THSD4: variants seen among roughly 807,000 people sequenced by gnomAD.
THSD4 encodes the protein thrombospondin type 1 domain containing 4.
Under a neutral mutation model 119.0 loss-of-function variants are expected in THSD4, and 69 were observed. That is an observed-to-expected ratio of 0.58 (90% CI 0.48 to 0.71). THSD4 has a LOEUF of 0.71. Ranked by LOEUF, THSD4 falls within the 30% of genes least tolerant of loss-of-function variation. The probability of loss-of-function intolerance (pLI) is 0.00; values close to 1 mark genes in which losing one functional copy is unlikely to be tolerated. For missense variants in THSD4, 1,393 were observed against 1,391.1 expected (o/e 1.00, Z -0.02); for synonymous variants, 524 against 540.4 (o/e 0.97, Z 0.42).
intron 7 of THSD4, among the ~76,000 whole-genome samples, chr15:71,476,141 C>T (rs140856921): frequency 8.5e-5 from 13 of 152,278 alleles, no homozygotes; most frequent in Non-Finnish European, 1.2e-4. Context: ...TAGCAAAGGG[C>T]CTGATCCATC....
At chr15:71,494,269 G>A (rs2047975038) in intron 7 of THSD4, among the ~76,000 whole-genome samples, 1 of 152,022 alleles carries the variant, frequency 6.6e-6, no homozygotes, top group Non-Finnish European at 1.5e-5. Context: ...AATAAAATAG[G>A]TGAATACTAA....
At chr15:71,224,000 A>T (rs545349080) in intron 4 of THSD4, among the ~76,000 whole-genome samples, 2 of 152,284 alleles carry the variant, frequency 1.3e-5, no homozygotes, top group South Asian at 4.1e-4. Context: ...AGACAAGCAG[A>T]CATTTACAAG....
chr15:71,321,026 AAC>A (rs1444485676), intron 6 of THSD4, among the ~76,000 whole-genome samples: 4 of 152,226 alleles, frequency 2.6e-5, no homozygotes, highest in Non-Finnish European at 5.9e-5. Context: ...AAAACATTTA[AAC>A]AGAGTATATT....
At chr15:71,473,398 T>C (rs2047611599) in intron 7 of THSD4, among the ~76,000 whole-genome samples, 1 of 152,186 alleles carries the variant, frequency 6.6e-6, no homozygotes, top group African/African-American at 2.4e-5. Context: ...TCATTCAATA[T>C]TATTTTAAAA....
chr15:71,633,876 G>A (rs1380643259), intron 7 of THSD4, among the ~76,000 whole-genome samples: 1 of 152,080 alleles, frequency 6.6e-6, no homozygotes, highest in African/African-American at 2.4e-5. Flanking sequence ...CAAAAAACTA[G>A]CTCCATCATC....
chr15:71,763,803 GC>G (rs886173583), intron 15 of THSD4, among the ~76,000 whole-genome samples: 2 of 152,086 alleles, frequency 1.3e-5, no homozygotes, highest in African/African-American at 4.8e-5. Context: ...GGTGGCTCAT[GC>G]CTGTAATCCC....
chr15:71,191,746 C>G (rs1265598909), intron 3 of THSD4, among the ~76,000 whole-genome samples: 1 of 152,082 alleles, frequency 6.6e-6, no homozygotes, highest in African/African-American at 2.4e-5. Flanking sequence ...CTCCTTTTAC[C>G]CTTCCACATA....
chr15:71,496,916 C>T (rs576036501), intron 7 of THSD4, among the ~76,000 whole-genome samples: 3 of 152,246 alleles, frequency 2.0e-5, no homozygotes, highest in African/African-American at 7.2e-5. Flanking sequence ...TCAACCGCTC[C>T]AGGAGCATTT....
intron 7 of THSD4, among the ~76,000 whole-genome samples, chr15:71,482,014 A>G (rs2140669116): frequency 6.6e-6 from 1 of 152,332 alleles, no homozygotes; most frequent in African/African-American, 2.4e-5. Context: ...AACTTAGAAA[A>G]CATGGGGTAA....
intron 17 of THSD4, among the ~76,000 whole-genome samples, 170 bp from the exon 18 acceptor site, chr15:71,777,062 G>A (rs1398825207): frequency 6.6e-6 from 1 of 152,192 alleles, no homozygotes; most frequent in East Asian, 1.9e-4. Flanking sequence ...CCCTTATCGT[G>A]TTTAAAAGAA....
intron 7 of THSD4, among the ~76,000 whole-genome samples, chr15:71,493,210 TGAGAATG>T (rs1182000451): frequency 2.0e-5 from 3 of 152,362 alleles, no homozygotes; most frequent in East Asian, 1.9e-4. Flanking sequence ...TGGGGTAATG[TGAGAATG>T]GCGGATTTTT....
intron 8 of THSD4, among the ~76,000 whole-genome samples, chr15:71,713,624 G>A (rs140316746): frequency 3.5e-4 from 54 of 152,252 alleles, no homozygotes; most frequent in African/African-American, 1.3e-3. Flanking sequence ...GGTATCATTA[G>A]GGAGGAATCA....
At chr15:71,619,296 C>T (rs1434064826) in intron 7 of THSD4, among the ~76,000 whole-genome samples, 1 of 152,112 alleles carries the variant, frequency 6.6e-6, no homozygotes, top group Non-Finnish European at 1.5e-5. Context: ...CTATATCTTT[C>T]TGCATCTTTA....
chr15:71,735,305 C>A lies in THSD4; in HGVS notation c.1631-2427C>A, dbSNP rs144471598. On this transcript the variant is annotated intron_variant, in intron 10 of 17. Transcript: ENST00000261862. ...ACAGGAAGCTGGTGAGGCTGGCAGC[C>A]AGGCCCCCTCTCCCGCTGCAGGGGT... Among the ~76,000 whole-genome samples the A allele has an allele frequency of 2.2e-4, 34 of 152,280 alleles. No homozygotes were observed. In the East Asian group the frequency reaches 6.4e-3, roughly 29 times the overall value.
chr15:71,368,259 C>G lies in THSD4; in HGVS notation c.1016-43428C>G, dbSNP rs548368679. Among the ~76,000 whole-genome samples the G allele has an allele frequency of 8.5e-4, 130 of 152,240 alleles. 4 individuals are homozygous for G. In the South Asian group the frequency reaches 0.026, roughly 30 times the overall value. ...TGCCTGTTCACTCTGATGGTTGTTTCTTTTGCTGTGCAGAAGCTCTTTAGT... is the reference window on the plus strand; with the variant it reads ...TGCCTGTTCACTCTGATGGTTGTTTGTTTTGCTGTGCAGAAGCTCTTTAGT... On this transcript the variant is annotated intron_variant, in intron 6 of 17. Coordinates refer to ENST00000261862, the MANE Select transcript of THSD4 (RefSeq NM_024817.3).
chr15:71,348,130 CT>C (rs1207034622), intron 6 of THSD4: 1 of 152,174 alleles, frequency 6.6e-6, no homozygotes, highest in African/African-American at 2.4e-5. Context: ...CTTTTCTGAG[CT>C]TTTGAAATGC....
intron 16 of THSD4, among the ~76,000 whole-genome samples, chr15:71,765,668 CA>C (rs2053703312): frequency 6.6e-6 from 1 of 152,124 alleles, no homozygotes; most frequent in Non-Finnish European, 1.5e-5. Context: ...TTTGGGAGGC[CA>C]AGGTGGGAAG....
chr15:71,587,801 A>AAG (rs2049709519), intron 7 of THSD4, among the ~76,000 whole-genome samples: 1 of 63,882 alleles, frequency 1.6e-5, no homozygotes. Context: ...AAAAAAAAAG[A>AAG]AAAAAAAAAA....
intron 7 of THSD4, among the ~76,000 whole-genome samples, chr15:71,443,433 C>CCTCTCT (rs5813634): frequency 6.6e-6 from 1 of 150,902 alleles, no homozygotes; most frequent in African/African-American, 2.4e-5. Context: ...AAAACAGATC[C>CCTCTCT]CTCTCTCTCT....
Sources: allele counts gnomAD v4.1 joint callset (sites outside exome capture counted in the v4.1 genomes callset), GRCh38; gene constraint gnomAD v4.1.1; transcripts MANE v1.5; gene names NCBI Gene and HGNC (gene_info 2026-07-23, HGNC 2026-07-21).